The following GRAMD4 variants were observed in gnomAD, a reference collection of about 807,000 sequenced individuals.
GRAMD4 encodes GRAM domain-containing protein 4.
GRAMD4 carries 25 observed loss-of-function variants against 83.9 expected under a neutral mutation model. The observed-to-expected ratio is 0.30, with a 90% CI of 0.22 to 0.42. The LOEUF (loss-of-function observed/expected upper bound fraction) is 0.42, where lower values mean the gene tolerates loss of function less well. Among genes scored for constraint, GRAMD4 ranks in the 10% least tolerant of loss-of-function variants. The pLI is 1.00. For synonymous variants in GRAMD4, 336 were observed against 320.9 expected (o/e 1.05, Z -0.50); for missense variants, 593 against 788.7 (o/e 0.75, Z 2.97).
intron 1 of GRAMD4, among the ~76,000 whole-genome samples, chr22:46,610,268 G>A (rs944711424): frequency 6.6e-6 from 1 of 152,220 alleles, no homozygotes; most frequent in Non-Finnish European, 1.5e-5. Context: ...GGTTCCCTCT[G>A]GTCTGCCCTG....
intron 1 of GRAMD4, among the ~76,000 whole-genome samples, chr22:46,587,675 G>A (rs910397995): frequency 2.0e-5 from 3 of 152,044 alleles, no homozygotes; most frequent in Admixed American, 2.0e-4. Context: ...TGTGGGAGAA[G>A]CCTAGGCAGG....
chr22:46,608,547 C>T (rs972416164), intron 1 of GRAMD4, among the ~76,000 whole-genome samples: 2 of 151,738 alleles, frequency 1.3e-5, no homozygotes, highest in African/African-American at 2.4e-5. Context: ...TGTGTGGTGG[C>T]GGGTGCCTGC....
chr22:46,666,007 G>A (rs1201659053), intron 9 of GRAMD4, among the ~76,000 whole-genome samples: 1 of 152,252 alleles, frequency 6.6e-6, no homozygotes, highest in African/African-American at 2.4e-5. Context: ...ACATCAGTGG[G>A]TAGGTGGGTG....
chr22:46,605,728 ATGGCCGGTGCTGAGCATCT>A (rs2081358181), intron 1 of GRAMD4, among the ~76,000 whole-genome samples: 6 of 147,228 alleles, frequency 4.1e-5, no homozygotes, highest in Non-Finnish European at 9.0e-5. Context: ...GCATGGGCCT[ATGGCCGGTGCTGAGCATCT>A]CTGCATGGGC....
chr22:46,654,943 CGGAGTG>C (rs2082220436), intron 3 of GRAMD4, among the ~76,000 whole-genome samples: 2 of 152,188 alleles, frequency 1.3e-5, no homozygotes, highest in Admixed American at 1.3e-4. Flanking sequence ...ACCCAGCACA[CGGAGTG>C]GGAATCATGT....
intron 1 of GRAMD4, among the ~76,000 whole-genome samples, chr22:46,603,719 T>A (rs1398337221): frequency 2.0e-5 from 3 of 151,218 alleles, no homozygotes; most frequent in Non-Finnish European, 4.4e-5. Context: ...GGTTTCAATG[T>A]GTTAGCCAGG....
chr22:46,673,742 C>A lies in GRAMD4; in HGVS notation c.1312C>A (p.Arg438Ser). The A allele has an allele frequency of 6.2e-7, 1 of 1,612,886 alleles. No homozygotes were observed. The highest frequency in any genetic ancestry group is 1.1e-5 in the South Asian group (1 of 91,042). The change falls in exon 15 of 19, where the codon CGC becomes AGC. Residue 438 changes from arginine to serine, a missense_variant. By Grantham distance (110) the Arg-to-Ser change is moderately radical. Coordinates refer to ENST00000406902, the MANE Select transcript of GRAMD4 (RefSeq NM_015124.5). ...CCTGGGTAAAGAGGAGGACGCCGGT[C>A]GCTTCCACAGCACCAAGAAGGGCAA... ...AGLGKEEDAG[R>S]FHSTKKGNFH...
chr22:46,605,457 G>C (rs1007898495), intron 1 of GRAMD4, among the ~76,000 whole-genome samples: 2 of 152,248 alleles, frequency 1.3e-5, no homozygotes, highest in African/African-American at 2.4e-5. Context: ...TAGTTCTTTT[G>C]AGTATCCCCA....
At chr22:46,584,663 C>T (rs966013927) in intron 1 of GRAMD4, among the ~76,000 whole-genome samples, 2 of 152,180 alleles carry the variant, frequency 1.3e-5, no homozygotes, top group Non-Finnish European at 2.9e-5. Flanking sequence ...GGTATGCTGC[C>T]GCAGCATGGC....
At chr22:46,643,332 TATCC>T (rs59819486) in intron 3 of GRAMD4, among the ~76,000 whole-genome samples, 131,897 of 147,780 alleles carry the variant, frequency 0.89, 58,830 homozygotes, top group East Asian at 0.99. Flanking sequence ...TCCATGCATC[TATCC>T]ATCCATCCAT....
At chr22:46,673,870 G>C (rs1053411457) in intron 15 of GRAMD4, 56 bp downstream of exon 15, 42 of 1,588,760 alleles carry the variant, frequency 2.6e-5, no homozygotes, top group Non-Finnish European at 3.4e-5. Flanking sequence ...CTGAAGGCCC[G>C]TGAGGGGGGC....
At chr22:46,667,996 G>A in intron 10 of GRAMD4, 100 bp from the exon 11 acceptor site, 1 of 804,456 alleles carries the variant, frequency 1.2e-6, no homozygotes, top group East Asian at 2.6e-5. Flanking sequence ...TGTGGGGACA[G>A]CAGAGTCCCT....
chr22:46,590,836 G>A (rs5767280), intron 1 of GRAMD4, among the ~76,000 whole-genome samples: 12,092 of 152,178 alleles, frequency 0.079, 672 homozygotes, highest in East Asian at 0.27. Flanking sequence ...CGAGGCAGGT[G>A]GATTGTCTGT....
At chr22:46,604,205 G>A (rs181618354) in intron 1 of GRAMD4, among the ~76,000 whole-genome samples, 8 of 152,216 alleles carry the variant, frequency 5.3e-5, no homozygotes, top group Admixed American at 3.9e-4. Flanking sequence ...GCCTCCCCCC[G>A]TCAGTCCGGC....
intron 1 of GRAMD4, among the ~76,000 whole-genome samples, chr22:46,595,258 G>A (rs746623657): frequency 4.6e-5 from 7 of 152,186 alleles, no homozygotes; most frequent in African/African-American, 7.2e-5. Flanking sequence ...GGGTCTGCAC[G>A]CCTCAGGGTT....
At chr22:46,578,163 C>A (rs1467184646) in intron 1 of GRAMD4, among the ~76,000 whole-genome samples, 1 of 152,140 alleles carries the variant, frequency 6.6e-6, no homozygotes, top group Non-Finnish European at 1.5e-5. Flanking sequence ...TTGGGGGAGA[C>A]CTTTTGCAGG....
intron 1 of GRAMD4, among the ~76,000 whole-genome samples, chr22:46,578,765 A>C (rs1602280704): frequency 6.6e-6 from 1 of 151,270 alleles, no homozygotes; most frequent in African/African-American, 2.4e-5. Context: ...CCTGCTGCAC[A>C]CCCTTCCGAA....
chr22:46,612,624 G>A (rs541846632), intron 1 of GRAMD4, among the ~76,000 whole-genome samples: 100 of 152,354 alleles, frequency 6.6e-4, no homozygotes, highest in Middle Eastern at 3.4e-3. Context: ...GCTCACACGC[G>A]TGCTCAGGTG....
rs1714176346 is a variant in GRAMD4 at position 46,622,953 on chromosome 22, A to G, written c.-50+2388A>G. ...AAAACTGATGAAATTGGTAATATTTATATTATGTGTGTTTTACCGTAATTA... is the reference window on the plus strand; with the variant it reads ...AAAACTGATGAAATTGGTAATATTTGTATTATGTGTGTTTTACCGTAATTA... On this transcript the variant is annotated intron_variant, in intron 1 of 18. Coordinates refer to ENST00000406902, the MANE Select transcript of GRAMD4 (RefSeq NM_015124.5). The surrounding 1 kb of genome is among the most constrained non-coding windows in gnomAD (Gnocchi z 4.0). 6.6e-6 allele frequency among the ~76,000 whole-genome samples: 1 copy of G among 151,190 alleles called. No individual in the cohort carries two copies. Among genetic ancestry groups the G allele is most frequent in the South Asian group, 2.1e-4 (1 of 4,780 alleles).
Sources: allele counts gnomAD v4.1 joint callset (sites outside exome capture counted in the v4.1 genomes callset), GRCh38; gene constraint gnomAD v4.1.1; non-coding constraint Gnocchi (gnomAD v3.1); transcripts MANE v1.5; gene names NCBI Gene and HGNC (gene_info 2026-07-23, HGNC 2026-07-21).